Variants in ARHGEF11 observed in about 807,000 individuals in gnomAD.
The protein encoded by ARHGEF11 is Rho guanine nucleotide exchange factor 11.
In ARHGEF11, 55 loss-of-function variants were observed where a neutral mutation model predicts 193.7. The observed-to-expected ratio is 0.28, with a 90% CI of 0.23 to 0.36. The LOEUF is 0.36. Ranked by LOEUF, ARHGEF11 falls within the 10% of genes least tolerant of loss-of-function variation. ARHGEF11 has a pLI of 1.00. For synonymous variants in ARHGEF11, 693 were observed against 768.0 expected (o/e 0.90, Z 1.62); for missense variants, 1,723 against 2,005.6 (o/e 0.86, Z 2.69).
chr1:156,943,610 A>G (rs1433935991), intron 32 of ARHGEF11, among the ~76,000 whole-genome samples: 2 of 152,140 alleles, frequency 1.3e-5, no homozygotes, highest in East Asian at 1.9e-4. Flanking sequence ...GGCTTGTCCT[A>G]CTCATTCTGC....
intron 4 of ARHGEF11, 87 bp downstream of exon 4, chr1:156,980,350 A>G: frequency 3.3e-6 from 5 of 1,499,918 alleles, no homozygotes; most frequent in Non-Finnish European, 4.5e-6. Flanking sequence ...TATCAAGATG[A>G]AAGTGTGCAG....
intron 38 of ARHGEF11, among the ~76,000 whole-genome samples, chr1:156,937,843 G>A (rs78566984): frequency 0.039 from 5,886 of 152,264 alleles, 418 homozygotes; most frequent in African/African-American, 0.14. Flanking sequence ...CTTCTGAAAG[G>A]AGCAGGCAGC....
At position 156,941,916 on chromosome 1, in the gene ARHGEF11, G is replaced by A. The variant is rs752654159; in HGVS notation, c.3400C>T (p.Pro1134Ser). Reference protein sequence around the residue: ...HPGAAPMPVHPPPPGPREPAQ... With the variant: ...HPGAAPMPVHSPPPGPREPAQ... The stretch of plus-strand genomic sequence containing the variant: ...GGCTCCCGGGGACCTGGGGGTGGAG[G>A]ATGGACGGGCATTGGGGCAGCTCCG... The change falls in exon 34 of 41, where the codon CCT becomes TCT. Residue 1134 changes from proline to serine, a missense_variant. Physicochemically the swap from Pro to Ser is moderately conservative, Grantham distance 74. Coordinates refer to ENST00000368194, the MANE Select transcript of ARHGEF11 (RefSeq NM_198236.3). 2 of 1,614,052 alleles carry A rather than the reference G, an allele frequency of 1.2e-6. No individual in the cohort carries two copies. The highest frequency in any genetic ancestry group is 1.7e-6 in the Non-Finnish European group (2 of 1,179,974).
intron 1 of ARHGEF11, among the ~76,000 whole-genome samples, chr1:157,036,994 A>G (rs1187083380): frequency 6.6e-6 from 1 of 151,978 alleles, no homozygotes; most frequent in African/African-American, 2.4e-5. Flanking sequence ...CAGGCATGGG[A>G]TCAGGCACCT....
chr1:156,963,768 C>A, intron 11 of ARHGEF11, 174 bp from the exon 12 acceptor site: 1 of 1,431,200 alleles, frequency 7.0e-7, no homozygotes. Context: ...ATGATTTCCA[C>A]TTGCAGGAAG....
intron 1 of ARHGEF11, among the ~76,000 whole-genome samples, chr1:156,998,315 A>T (rs910355319): frequency 1.3e-5 from 2 of 152,206 alleles, no homozygotes; most frequent in African/African-American, 4.8e-5. Context: ...TATTGGCACA[A>T]GCTCACATCG....
intron 1 of ARHGEF11, among the ~76,000 whole-genome samples, chr1:157,024,733 C>CAAA (rs1231717476): frequency 7.5e-5 from 9 of 119,380 alleles, no homozygotes; most frequent in African/African-American, 3.0e-4. Flanking sequence ...GGGTGAAAGG[C>CAAA]AAAAAAAAAA....
intron 1 of ARHGEF11, among the ~76,000 whole-genome samples, chr1:156,988,679 G>A (rs1188050660): frequency 1.3e-5 from 2 of 152,160 alleles, no homozygotes; most frequent in African/African-American, 2.4e-5. Context: ...CAATTGTTAG[G>A]GGCATGGACA....
At chr1:157,005,563 A>G (rs1268742458) in intron 1 of ARHGEF11, among the ~76,000 whole-genome samples, 3 of 152,200 alleles carry the variant, frequency 2.0e-5, no homozygotes, top group Admixed American at 1.3e-4. Context: ...AATGCCCCCA[A>G]ACAGTTCTGG....
chr1:156,941,738 G>C, intron 34 of ARHGEF11, 126 bp downstream of exon 34: 1 of 1,396,186 alleles, frequency 7.2e-7, no homozygotes, highest in South Asian at 1.4e-5. Context: ...ACTTGGAGCT[G>C]TCTGCTCCCT....
intron 25 of ARHGEF11, 125 bp from the exon 26 acceptor site, chr1:156,947,575 A>G: frequency 7.4e-7 from 1 of 1,358,012 alleles, no homozygotes; most frequent in Non-Finnish European, 9.8e-7. Context: ...CCAGTTTCAG[A>G]TCATACAGCA....
chr1:156,960,005 G>A (rs987328669), intron 15 of ARHGEF11, among the ~76,000 whole-genome samples: 3 of 145,660 alleles, frequency 2.1e-5, no homozygotes, highest in Non-Finnish European at 4.5e-5. Context: ...ATGGAGCGAG[G>A]CCCTAGTTTC....
Position 156,948,258 on chromosome 1 carries a change from C to T in ARHGEF11, c.2106-30G>A, listed in dbSNP as rs748748756. The T allele has an allele frequency of 1.6e-5, 25 of 1,602,364 alleles. No individual in the cohort carries two copies. Among genetic ancestry groups the T allele is most frequent in the Non-Finnish European group, 2.0e-5 (24 of 1,171,636 alleles). ...GGAGGGAATGTCAACTCTCAGCAAC[C>T]CTCTATCCTTGCCGCCACCCCTGAG... On this transcript the variant is annotated intron_variant, in intron 23 of 40. Coordinates refer to ENST00000368194, the MANE Select transcript of ARHGEF11 (RefSeq NM_198236.3). The surrounding 1 kb of genome is among the most constrained non-coding windows in gnomAD (Gnocchi z 4.2).
At chr1:157,004,450 C>T (rs1667576461) in intron 1 of ARHGEF11, among the ~76,000 whole-genome samples, 1 of 152,190 alleles carries the variant, frequency 6.6e-6, no homozygotes, top group South Asian at 2.1e-4. Context: ...TACAGGCAAG[C>T]TCAAGGCAGG....
intron 1 of ARHGEF11, among the ~76,000 whole-genome samples, chr1:157,017,053 C>T (rs1294744332): frequency 6.6e-6 from 1 of 152,162 alleles, no homozygotes; most frequent in Non-Finnish European, 1.5e-5. Flanking sequence ...AGGAGAAGAA[C>T]TATTGATAAA....
At chr1:157,002,829 T>A (rs1314688654) in intron 1 of ARHGEF11, among the ~76,000 whole-genome samples, 1 of 152,214 alleles carries the variant, frequency 6.6e-6, no homozygotes, top group Admixed American at 6.5e-5. Flanking sequence ...TGTAGGCTCC[T>A]GAGTTCCCCT....
rs756741025 is a variant in ARHGEF11 at position 156,942,034 on chromosome 1, A to G, written c.3327-45T>C. On this transcript the variant is annotated intron_variant, in intron 33 of 40. Coordinates refer to ENST00000368194, the MANE Select transcript of ARHGEF11 (RefSeq NM_198236.3). Reference sequence around the variant, plus strand: ...GAGAGGACTGTAGTGAGAGCAAGATAGCAGCACGCACCACCCCGTACTGAG... The same window carrying G: ...GAGAGGACTGTAGTGAGAGCAAGATGGCAGCACGCACCACCCCGTACTGAG... 1.9e-6 allele frequency: 3 copies of G among 1,613,256 alleles called. No homozygotes were observed. The South Asian group carries it at 3.3e-5, about 18-fold the overall frequency.
At chr1:156,956,016 G>A (rs1334973861) in intron 19 of ARHGEF11, among the ~76,000 whole-genome samples, 6 of 152,216 alleles carry the variant, frequency 3.9e-5, no homozygotes, top group Non-Finnish European at 8.8e-5. Context: ...CCACATCCAG[G>A]TGGAGGGATG....
At chr1:156,961,455 C>A (rs1660833312) in intron 14 of ARHGEF11, among the ~76,000 whole-genome samples, 1 of 152,136 alleles carries the variant, frequency 6.6e-6, no homozygotes, top group Non-Finnish European at 1.5e-5. Flanking sequence ...TCCAAACATT[C>A]CAGAGACAGG....
Sources: gnomAD v4.1 joint callset for allele counts (sites outside exome capture counted in the v4.1 genomes callset) on GRCh38, gnomAD v4.1.1 for gene constraint, Gnocchi (gnomAD v3.1) non-coding constraint, MANE v1.5 for transcripts, NCBI Gene and HGNC (gene_info 2026-07-23, HGNC 2026-07-21) for gene names.